The following RGCC variants were observed in gnomAD, a reference collection of about 807,000 sequenced individuals.
The protein encoded by RGCC is regulator of cell cycle, also known as regulator of cell cycle RGCC.
In RGCC, 15 loss-of-function variants were observed where a neutral mutation model predicts 15.4. The observed-to-expected ratio is 0.97, with a 90% CI of 0.65 to 1.50. The LOEUF is 1.50. Ranked by LOEUF, RGCC falls within the 40% of genes most tolerant of loss-of-function variation. The pLI is 0.00. For missense variants in RGCC, 176 were observed against 189.7 expected (o/e 0.93, Z 0.42); for synonymous variants, 81 against 78.0 (o/e 1.04, Z -0.20).
chr13:41,458,633 G>C lies in RGCC; in HGVS notation c.235+163G>C, dbSNP rs2139572156. ...GGCGGGGCCCCTGACGATAATCACGGGAAAGGTCGCTGGAGGGCAGGTTGG... is the reference window on the plus strand; with the variant it reads ...GGCGGGGCCCCTGACGATAATCACGCGAAAGGTCGCTGGAGGGCAGGTTGG... On this transcript the variant is annotated intron_variant, in intron 2 of 4. Transcript: ENST00000379359. This position sits in a 1 kb window ranked among gnomAD's most constrained non-coding sequence, Gnocchi z 4.4. Among the ~76,000 whole-genome samples, 2 of 152,290 alleles carry C rather than the reference G, an allele frequency of 1.3e-5. 1 individual carries two copies. The highest frequency in any genetic ancestry group is 4.1e-4 in the South Asian group (2 of 4,820).
chr13:41,467,850 T>C (rs2043856580), intron 3 of RGCC, among the ~76,000 whole-genome samples: 1 of 152,136 alleles, frequency 6.6e-6, no homozygotes, highest in Non-Finnish European at 1.5e-5. Context: ...TAAAACGTGC[T>C]CAGATTTGTT....
chr13:41,466,154 C>T (rs1356065192), intron 2 of RGCC, among the ~76,000 whole-genome samples: 3 of 142,974 alleles, frequency 2.1e-5, no homozygotes, highest in African/African-American at 8.1e-5. Context: ...CACACTCACA[C>T]ACGCACACAC....
rs869157194 is a variant in RGCC, at chr13:41,469,295, T to TAATAATAAG, written c.406+459_406+460insTAATAAGAA. Among the ~76,000 whole-genome samples, 326 of 86,734 alleles carry TAATAATAAG rather than the reference T, an allele frequency of 3.8e-3. 1 individual carries two copies. The highest frequency in any genetic ancestry group is 0.012 in the African/African-American group (309 of 26,752). The allele number at this position is 86,734 out of a possible 152,430, so 56.9% of individuals were successfully genotyped here. ...ATAATAATAATAATAATAATAATAATAAGAAGAAGAAGAAGAAGAAGAAGA... is the reference window on the plus strand; with the variant it reads ...ATAATAATAATAATAATAATAATAATAATAATAAGAAGAAGAAGAAGAAGAAGAAGAAGA... On this transcript the variant is annotated intron_variant, in intron 4 of 4. Coordinates refer to ENST00000379359, the MANE Select transcript of RGCC (RefSeq NM_014059.3).
chr13:41,462,063 A>AT (rs1273414784), intron 2 of RGCC, among the ~76,000 whole-genome samples: 1 of 152,134 alleles, frequency 6.6e-6, no homozygotes, highest in Non-Finnish European at 1.5e-5. Context: ...CAGAATTTAG[A>AT]TTTTCAGGAG....
At chr13:41,465,198 C>T (rs993086551) in intron 2 of RGCC, among the ~76,000 whole-genome samples, 5 of 152,178 alleles carry the variant, frequency 3.3e-5, no homozygotes, top group African/African-American at 7.2e-5. Context: ...CCCGAGGAGG[C>T]GGGGACCTGG....
chr13:41,457,577 G>C lies in RGCC; in HGVS notation c.-131G>C, dbSNP rs2043798415. On this transcript the variant is annotated 5_prime_UTR_variant, in exon 1 of 5. Transcript: ENST00000379359. The surrounding 1 kb of genome is among the most constrained non-coding windows in gnomAD (Gnocchi z 4.9). ...GGCGGGCGCGGACCGTGCTGGGAGCGGCGCGGCTGGAGCGCAGCGCCGAAG... is the reference window on the plus strand; with the variant it reads ...GGCGGGCGCGGACCGTGCTGGGAGCCGCGCGGCTGGAGCGCAGCGCCGAAG... 2.2e-6 allele frequency: 3 copies of C among 1,392,142 alleles called. No homozygotes were observed. The highest frequency in any genetic ancestry group is 2.8e-6 in the Non-Finnish European group (3 of 1,073,384). The allele number at this position is 1,392,142 out of a possible 1,614,324, so 86.2% of individuals were successfully genotyped here.
intron 2 of RGCC, among the ~76,000 whole-genome samples, chr13:41,462,318 C>A (rs966579343): frequency 2.6e-5 from 4 of 152,154 alleles, no homozygotes; most frequent in Admixed American, 6.5e-5. Flanking sequence ...ACACACCTAC[C>A]TTTTAAACAA....
At chr13:41,467,699 A>G (rs2043855738) in intron 3 of RGCC, among the ~76,000 whole-genome samples, 1 of 152,172 alleles carries the variant, frequency 6.6e-6, no homozygotes, top group Non-Finnish European at 1.5e-5. Flanking sequence ...ACAGGACTTC[A>G]CTCTTTTTTC....
chr13:41,470,578 G>A lies in RGCC; in HGVS notation c.*93G>A, dbSNP rs2043871110. 2.3e-6 allele frequency: 3 copies of A among 1,297,432 alleles called. No homozygotes were observed. In the South Asian group the frequency reaches 3.6e-5, roughly 15 times the overall value. 80.4% of individuals were successfully genotyped at this position (1,297,432 alleles called of 1,614,324 possible). A position where few individuals can be genotyped will look rare whatever the true frequency, so the allele number is the denominator to read the frequency against. ...TCAGCTACTAGAATCTGCTGCCAGAGGGGACAAAGACGTGCACTCAACCTT... is the reference window on the plus strand; with the variant it reads ...TCAGCTACTAGAATCTGCTGCCAGAAGGGACAAAGACGTGCACTCAACCTT... On this transcript the variant is annotated 3_prime_UTR_variant, in exon 5 of 5. Coordinates refer to ENST00000379359, the MANE Select transcript of RGCC (RefSeq NM_014059.3).
Position 41,457,608 on chromosome 13 carries a change from G to A in RGCC, c.-100G>A. ...GCTGGAGCGCAGCGCCGAAGGGACT[G>A]GCAGGGCTGAAGTGTGCGGGACAGC... is the stretch of plus-strand genomic sequence containing the variant. On this transcript the variant is annotated 5_prime_UTR_variant, in exon 1 of 5. Coordinates refer to ENST00000379359, the MANE Select transcript of RGCC (RefSeq NM_014059.3). The surrounding 1 kb of genome is among the most constrained non-coding windows in gnomAD (Gnocchi z 4.9). The A allele has an allele frequency of 6.8e-7, 1 of 1,466,442 alleles. No individual in the cohort carries two copies. The allele number at this position is 1,466,442 out of a possible 1,614,324, so 90.8% of individuals were successfully genotyped here.
chr13:41,465,778 AGGAAAACCTCT>A (rs1346315160), intron 2 of RGCC, among the ~76,000 whole-genome samples: 1 of 152,198 alleles, frequency 6.6e-6, no homozygotes, highest in Non-Finnish European at 1.5e-5. Context: ...ACAGACTCTT[AGGAAAACCTCT>A]CTTAAGTAAA....
intron 3 of RGCC, 31 bp from the exon 4 acceptor site, chr13:41,468,737 ACTCTCTCT>A (rs150442518): frequency 6.1e-6 from 8 of 1,317,186 alleles, no homozygotes; most frequent in Middle Eastern, 1.9e-4. Flanking sequence ...TGGAAACTGA[ACTCTCTCT>A]CTCTCTCTCT....
Position 41,458,443 on chromosome 13 carries a change from G to T in RGCC, c.208G>T (p.Asp70Tyr), listed in dbSNP as rs1384623747. Reference sequence around the variant, plus strand: ...GCGGCGCAGCAGCGCCAGTGTCAGCGACAGCAGCGGCTTCAGCGACTCGGA... The same window carrying T: ...GCGGCGCAGCAGCGCCAGTGTCAGCTACAGCAGCGGCTTCAGCGACTCGGA... ...MKRRSSASVS[D>Y]SSGFSDSESA... The change falls in exon 2 of 5, where the codon GAC becomes TAC. Residue 70 changes from aspartate to tyrosine, a missense_variant. Coordinates refer to ENST00000379359, the MANE Select transcript of RGCC (RefSeq NM_014059.3). The surrounding 1 kb of genome is among the most constrained non-coding windows in gnomAD (Gnocchi z 4.4). The T allele has an allele frequency of 6.2e-7, 1 of 1,600,024 alleles. No homozygotes were observed. Among genetic ancestry groups the T allele is most frequent in the Non-Finnish European group, 8.5e-7 (1 of 1,178,244 alleles).
In RGCC at chr13:41,458,498, C is replaced by A; in HGVS notation, c.235+28C>A. 6.4e-7 allele frequency: 1 copy of A among 1,573,734 alleles called. No individual in the cohort carries two copies. Among genetic ancestry groups the A allele is most frequent in the Non-Finnish European group, 8.6e-7 (1 of 1,165,854 alleles). On this transcript the variant is annotated intron_variant, in intron 2 of 4. Transcript: ENST00000379359. The surrounding 1 kb of genome is among the most constrained non-coding windows in gnomAD (Gnocchi z 4.4). Reference sequence around the variant, plus strand: ...AAGTGCGGCCCCCGCTAGGATGGCGCCGGGATCTCCCAGCTCCCAGGACCT... The same window carrying A: ...AAGTGCGGCCCCCGCTAGGATGGCGACGGGATCTCCCAGCTCCCAGGACCT...
At position 41,458,318 on chromosome 13, in the gene RGCC, T is replaced by C; in HGVS notation, c.83T>C (p.Leu28Pro). Residue 28 changes from leucine to proline, a missense_variant, in exon 2 of 5, where the codon CTG (leucine) becomes CCG (proline). Coordinates refer to ENST00000379359, the MANE Select transcript of RGCC (RefSeq NM_014059.3). This position sits in a 1 kb window ranked among gnomAD's most constrained non-coding sequence, Gnocchi z 4.4. ...PALDSAAAED[L>P]SDALCEFDAV... is the part of the protein sequence containing the mutation. ...CTGGACTCGGCGGCCGCGGAGGACC[T>C]GTCGGACGCGCTGTGCGAGTTTGAC... 1 of 1,584,436 alleles carries C rather than the reference T, an allele frequency of 6.3e-7. No individual in the cohort carries two copies. The highest frequency in any genetic ancestry group is 2.3e-5 in the East Asian group (1 of 44,050).
chr13:41,463,181 C>T (rs2043829978), intron 2 of RGCC, among the ~76,000 whole-genome samples: 1 of 152,066 alleles, frequency 6.6e-6, no homozygotes, highest in Non-Finnish European at 1.5e-5. Flanking sequence ...CTCTAGACAC[C>T]CACTCGACAG....
intron 2 of RGCC, among the ~76,000 whole-genome samples, chr13:41,463,786 A>C (rs1039891649): frequency 2.0e-5 from 3 of 152,018 alleles, no homozygotes; most frequent in African/African-American, 4.8e-5. Context: ...AGGCCCCATG[A>C]GTTATGCTGA....
chr13:41,468,047 G>A (rs575551916), intron 3 of RGCC, among the ~76,000 whole-genome samples: 14 of 152,102 alleles, frequency 9.2e-5, no homozygotes, highest in Non-Finnish European at 2.1e-4. Flanking sequence ...TCAGCTATAT[G>A]AAAAAAATCT....
intron 2 of RGCC, among the ~76,000 whole-genome samples, chr13:41,462,638 G>A (rs1721386262): frequency 6.6e-6 from 1 of 152,088 alleles, no homozygotes; most frequent in South Asian, 2.1e-4. Context: ...TGATACCCAC[G>A]CGGGGCAATA....
Sources: allele counts gnomAD v4.1 joint callset (sites outside exome capture counted in the v4.1 genomes callset), GRCh38; gene constraint gnomAD v4.1.1; non-coding constraint Gnocchi (gnomAD v3.1); transcripts MANE v1.5; gene names NCBI Gene and HGNC (gene_info 2026-07-23, HGNC 2026-07-21).